TNFRSF21: variants seen among roughly 807,000 people sequenced by gnomAD.
TNFRSF21 encodes the protein tumor necrosis factor receptor superfamily member 21.
TNFRSF21 carries 19 observed loss-of-function variants against 45.6 expected under a neutral mutation model. The observed-to-expected ratio is 0.42, with a 90% CI of 0.29 to 0.61. TNFRSF21 has a LOEUF of 0.61. Ranked by LOEUF, TNFRSF21 falls within the 20% of genes least tolerant of loss-of-function variation. TNFRSF21 has a pLI of 0.23. For missense variants in TNFRSF21, 737 were observed against 851.5 expected (o/e 0.87, Z 1.67); for synonymous variants, 314 against 335.5 (o/e 0.94, Z 0.70).
chr6:47,284,237 G>A lies in TNFRSF21; in HGVS notation c.944C>T (p.Ser315Phe). ...HHRHILKLLP[S>F]MEATGGEKSS... ...CTTCTCGCCCCCAGTGGCCTCCATG[G>A]ACGGCAGCAGCTTCAGGATGTGTCT... The change falls in exon 3 of 6, where the codon TCC (serine) becomes TTC (phenylalanine). Residue 315 changes from serine (S) to phenylalanine (F), a missense_variant. Ser to Phe is a radical substitution (Grantham distance 155). Coordinates refer to ENST00000296861, the MANE Select transcript of TNFRSF21 (RefSeq NM_014452.5). 2.5e-6 allele frequency: 4 copies of A among 1,613,926 alleles called. No homozygotes were observed. Among genetic ancestry groups the A allele is most frequent in the Non-Finnish European group, 3.4e-6 (4 of 1,179,878 alleles).
At position 47,285,954 on chromosome 6, in the gene TNFRSF21, A is replaced by T; in HGVS notation, c.738T>A (p.Tyr246Ter). The T allele has an allele frequency of 1.2e-6, 2 of 1,613,948 alleles. No homozygotes were observed. Among genetic ancestry groups the T allele is most frequent in the Non-Finnish European group, 1.7e-6 (2 of 1,179,846 alleles). Residue 246 changes from tyrosine to a stop codon, truncating the protein, a stop_gained, in exon 2 of 6, where the codon TAT becomes TAA. Transcript: ENST00000296861. LOFTEE classifies it high-confidence loss of function. ...METHEVPSSTYVPKGMNSTES... is the reference protein window; with the variant it reads ...METHEVPSST The stretch of plus-strand genomic sequence containing the variant: ...ATGAGGTTAAGTTACCTTTGGGAAC[A>T]TAAGTGGAGGAAGGGACTTCATGGG...
intron 5 of TNFRSF21, among the ~76,000 whole-genome samples, chr6:47,233,470 T>G (rs1464378443): frequency 6.6e-6 from 1 of 152,172 alleles, no homozygotes; most frequent in Non-Finnish European, 1.5e-5. Context: ...TCCAAGACAA[T>G]GTAGTCTACT....
At chr6:47,288,732 G>T (rs1762682496) in intron 1 of TNFRSF21, among the ~76,000 whole-genome samples, 1 of 152,244 alleles carries the variant, frequency 6.6e-6, no homozygotes. Context: ...TTGCCTGCTT[G>T]GCATTACCTG....
At chr6:47,281,700 G>T (rs75332728) in intron 3 of TNFRSF21, among the ~76,000 whole-genome samples, 679 of 152,192 alleles carry the variant, frequency 4.5e-3, no homozygotes, top group African/African-American at 0.016. Context: ...TATTTTTTAC[G>T]TAGAGAGAGC....
intron 3 of TNFRSF21, among the ~76,000 whole-genome samples, chr6:47,260,176 T>C (rs1765052105): frequency 6.6e-6 from 1 of 152,146 alleles, no homozygotes; most frequent in Admixed American, 6.5e-5. Flanking sequence ...GGATTATTGG[T>C]GCTGAACAAT....
intron 4 of TNFRSF21, among the ~76,000 whole-genome samples, chr6:47,245,556 G>A (rs1341438156): frequency 6.6e-6 from 1 of 151,774 alleles, no homozygotes; most frequent in African/African-American, 2.4e-5. Flanking sequence ...TCTGCATACA[G>A]CAAGCTCAAC....
intron 3 of TNFRSF21, among the ~76,000 whole-genome samples, chr6:47,277,632 C>G (rs556070661): frequency 3.3e-5 from 5 of 152,154 alleles, no homozygotes; most frequent in Admixed American, 1.3e-4. Context: ...CCCTGGCTCA[C>G]GCAGCTGGTA....
Position 47,253,371 on chromosome 6 carries a change from T to C in TNFRSF21, c.1394A>G (p.His465Arg). ...GGCCTCGGGGCCCCGGATGGTCCAGTGCTGCAGAGCTGCGTAGGCCCGCTC... is the reference window on the plus strand; with the variant it reads ...GGCCTCGGGGCCCCGGATGGTCCAGCGCTGCAGAGCTGCGTAGGCCCGCTC... Reference protein sequence around the residue: ...DHERAYAALQHWTIRGPEASL... With the variant: ...DHERAYAALQRWTIRGPEASL... Residue 465 changes from histidine to arginine, a missense_variant, in exon 4 of 6, where the codon CAC becomes CGC. Transcript: ENST00000296861. The C allele has an allele frequency of 6.2e-7, 1 of 1,614,120 alleles. No homozygotes were observed.
intron 3 of TNFRSF21, among the ~76,000 whole-genome samples, chr6:47,259,377 T>C (rs1163740006): frequency 7.6e-6 from 1 of 132,180 alleles, no homozygotes; most frequent in Non-Finnish European, 1.6e-5. Flanking sequence ...ACATTGCCTT[T>C]TTTTTTTTTT....
intron 1 of TNFRSF21, among the ~76,000 whole-genome samples, chr6:47,287,995 T>C (rs900598649): frequency 2.0e-5 from 3 of 152,182 alleles, no homozygotes; most frequent in Non-Finnish European, 4.4e-5. Context: ...GTTGGTACTC[T>C]TTACAGAAGT....
At chr6:47,258,685 C>A (rs1765025923) in intron 3 of TNFRSF21, among the ~76,000 whole-genome samples, 1 of 152,104 alleles carries the variant, frequency 6.6e-6, no homozygotes, top group South Asian at 2.1e-4. Context: ...GTGATCTGCC[C>A]ACCTCAGCTT....
chr6:47,306,411 A>G (rs1286838521), intron 1 of TNFRSF21, among the ~76,000 whole-genome samples: 2 of 152,198 alleles, frequency 1.3e-5, no homozygotes, highest in Non-Finnish European at 2.9e-5. Context: ...TGAGCTGAAG[A>G]GCCAGGCAGT....
At chr6:47,250,157 CA>C (rs1309451462) in intron 4 of TNFRSF21, among the ~76,000 whole-genome samples, 2 of 152,030 alleles carry the variant, frequency 1.3e-5, no homozygotes, top group Non-Finnish European at 2.9e-5. Flanking sequence ...TTATAAGAGA[CA>C]TTTTTTAAAT....
At chr6:47,260,280 T>C (rs1036810935) in intron 3 of TNFRSF21, among the ~76,000 whole-genome samples, 3 of 152,014 alleles carry the variant, frequency 2.0e-5, no homozygotes, top group African/African-American at 7.3e-5. Flanking sequence ...GGAGGGTTTA[T>C]GTGGAAGGAA....
chr6:47,297,397 T>C (rs1762802354), intron 1 of TNFRSF21, among the ~76,000 whole-genome samples: 1 of 152,248 alleles, frequency 6.6e-6, no homozygotes, highest in Non-Finnish European at 1.5e-5. Context: ...AAATGTTATC[T>C]TAATTATCAC....
At chr6:47,285,442 C>G (rs1762631418) in intron 2 of TNFRSF21, among the ~76,000 whole-genome samples, 1 of 152,120 alleles carries the variant, frequency 6.6e-6, no homozygotes, top group Non-Finnish European at 1.5e-5. Context: ...TCTAACTTTC[C>G]TACCCATTCT....
At chr6:47,295,586 G>A (rs1561952352) in intron 1 of TNFRSF21, among the ~76,000 whole-genome samples, 1 of 152,174 alleles carries the variant, frequency 6.6e-6, no homozygotes, top group Non-Finnish European at 1.5e-5. Context: ...AACCCAGGCA[G>A]AGATGGACCT....
intron 3 of TNFRSF21, among the ~76,000 whole-genome samples, chr6:47,281,229 A>G (rs1762563272): frequency 6.6e-6 from 1 of 152,056 alleles, no homozygotes; most frequent in Admixed American, 6.6e-5. Flanking sequence ...CTAAAGTATC[A>G]GGGGATAAAA....
At position 47,231,651 on chromosome 6, in the gene TNFRSF21, T is replaced by C. The variant is rs985733817; in HGVS notation, c.*1114A>G. The C allele has an allele frequency of 9.2e-5, 14 of 152,724 alleles. No individual in the cohort carries two copies. The East Asian group carries it at 2.5e-3, about 27-fold the overall frequency. 9.5% of individuals were successfully genotyped at this position (152,724 alleles called of 1,614,324 possible). Reference sequence around the variant, plus strand: ...AAAGGGAGTCCACGCCACCTTTGCATTGGAACCTGGCAACTGAGCATTAGA... The same window carrying C: ...AAAGGGAGTCCACGCCACCTTTGCACTGGAACCTGGCAACTGAGCATTAGA... On this transcript the variant is annotated 3_prime_UTR_variant, in exon 6 of 6. Transcript: ENST00000296861.
Sources: allele counts gnomAD v4.1 joint callset (sites outside exome capture counted in the v4.1 genomes callset), GRCh38; gene constraint gnomAD v4.1.1; transcripts MANE v1.5; gene names NCBI Gene and HGNC (gene_info 2026-07-23, HGNC 2026-07-21).